CHST15: variants seen among roughly 807,000 people sequenced by gnomAD.
CHST15 encodes the protein carbohydrate sulfotransferase 15, also known as B cell RAG associated protein (GALNAC4S-6ST).
CHST15 carries 30 observed loss-of-function variants against 53.6 expected under a neutral mutation model. That is an observed-to-expected ratio of 0.56 (90% CI 0.42 to 0.76). CHST15 has a LOEUF of 0.76. Ranked by LOEUF, CHST15 falls within the 30% of genes least tolerant of loss-of-function variation. The probability of loss-of-function intolerance (pLI) is 0.00; values close to 1 mark genes in which losing one functional copy is unlikely to be tolerated. For missense variants in CHST15, 627 were observed against 740.5 expected (o/e 0.85, Z 1.78); for synonymous variants, 296 against 289.8 (o/e 1.02, Z -0.22).
At chr10:124,050,730 A>G (rs1356376724) in intron 1 of CHST15, among the ~76,000 whole-genome samples, 1 of 152,204 alleles carries the variant, frequency 6.6e-6, no homozygotes, top group Non-Finnish European at 1.5e-5. Context: ...GAAGGAAGCC[A>G]GTCACGTGGA....
At chr10:124,081,388 A>ATG (rs1187617497) in intron 1 of CHST15, among the ~76,000 whole-genome samples, 1 of 151,818 alleles carries the variant, frequency 6.6e-6, no homozygotes, top group African/African-American at 2.4e-5. Context: ...ATGCACACAC[A>ATG]CACGCGTGCA....
intron 4 of CHST15, among the ~76,000 whole-genome samples, chr10:124,041,139 A>C (rs1018685024): frequency 6.6e-6 from 1 of 152,246 alleles, no homozygotes; most frequent in Non-Finnish European, 1.5e-5. Context: ...AAAGAAAAAA[A>C]AGAGTTAAGT....
chr10:124,017,901 G>A (rs780338231), intron 6 of CHST15, among the ~76,000 whole-genome samples: 20 of 152,336 alleles, frequency 1.3e-4, no homozygotes, highest in South Asian at 2.1e-4. Flanking sequence ...CAGCCTCCTC[G>A]GCAGGCTCCA....
intron 1 of CHST15, among the ~76,000 whole-genome samples, chr10:124,082,883 G>A (rs1949294431): frequency 6.6e-6 from 1 of 152,224 alleles, no homozygotes. Context: ...GCTGGACAGA[G>A]ACAAGAAGTA....
chr10:124,067,705 C>T (rs1169699767), intron 1 of CHST15, among the ~76,000 whole-genome samples: 4 of 152,216 alleles, frequency 2.6e-5, no homozygotes, highest in Non-Finnish European at 5.9e-5. Context: ...CAACCTCCGC[C>T]TCCTGGGTTC....
intron 1 of CHST15, among the ~76,000 whole-genome samples, chr10:124,056,500 G>A (rs1043145433): frequency 2.0e-5 from 3 of 152,238 alleles, no homozygotes; most frequent in African/African-American, 4.8e-5. Context: ...CAAGGGATGG[G>A]GGAACGGAGA....
intron 5 of CHST15, among the ~76,000 whole-genome samples, chr10:124,026,892 C>A (rs923712840): frequency 3.3e-5 from 5 of 152,148 alleles, no homozygotes; most frequent in African/African-American, 1.2e-4. Flanking sequence ...CCAGTCAGGG[C>A]AGGCTAACAC....
chr10:124,008,457 C>A lies in CHST15; in HGVS notation c.*1692G>T. 1.0e-6 allele frequency: 1 copy of A among 991,576 alleles called. No individual in the cohort carries two copies. Among genetic ancestry groups the A allele is most frequent in the Non-Finnish European group, 1.2e-6 (1 of 833,518 alleles). 61.4% of individuals were successfully genotyped at this position (991,576 alleles called of 1,614,324 possible). A position where few individuals can be genotyped will look rare whatever the true frequency, so the allele number is the denominator to read the frequency against. ...CCAGATTTCCCTGCTGGCGGCTGCTCCCAGTGCCGGCTATAGAGAAGGTGG... is the reference window on the plus strand; with the variant it reads ...CCAGATTTCCCTGCTGGCGGCTGCTACCAGTGCCGGCTATAGAGAAGGTGG... On this transcript the variant is annotated 3_prime_UTR_variant, in exon 8 of 8. Coordinates refer to ENST00000435907, the MANE Select transcript of CHST15 (RefSeq NM_001270764.2).
intron 1 of CHST15, among the ~76,000 whole-genome samples, chr10:124,059,256 C>T (rs1401079920): frequency 1.5e-4 from 23 of 152,164 alleles, no homozygotes; most frequent in South Asian, 2.1e-4. Flanking sequence ...TCTTTTTGCA[C>T]GTTTTTGGGG....
At chr10:124,064,602 C>G (rs1948694700) in intron 1 of CHST15, among the ~76,000 whole-genome samples, 1 of 152,146 alleles carries the variant, frequency 6.6e-6, no homozygotes, top group Admixed American at 6.5e-5. Flanking sequence ...CTCTTCGTTG[C>G]TGGGCTGTAC....
chr10:124,080,886 T>C (rs1420111970), intron 1 of CHST15, among the ~76,000 whole-genome samples: 1 of 152,238 alleles, frequency 6.6e-6, no homozygotes, highest in Non-Finnish European at 1.5e-5. Context: ...TCCCATGGAC[T>C]AGGCCCTGGG....
chr10:124,024,810 G>A lies in CHST15; in HGVS notation c.1191-3398C>T, dbSNP rs1223476613. Among the ~76,000 whole-genome samples, 1 of 152,220 alleles carries A rather than the reference G, an allele frequency of 6.6e-6. No individual in the cohort carries two copies. Among genetic ancestry groups the A allele is most frequent in the Non-Finnish European group, 1.5e-5 (1 of 68,052 alleles). On this transcript the variant is annotated intron_variant, in intron 5 of 7. Coordinates refer to ENST00000435907, the MANE Select transcript of CHST15 (RefSeq NM_001270764.2). The surrounding 1 kb of genome is among the most constrained non-coding windows in gnomAD (Gnocchi z 4.0). ...TGTGTGCACTGAGGGGTGCCAGGTG[G>A]CAATTGGTCTGAGGGGTACCCTTCC...
intron 1 of CHST15, among the ~76,000 whole-genome samples, chr10:124,063,719 C>T (rs1459699846): frequency 6.6e-6 from 1 of 152,134 alleles, no homozygotes; most frequent in Non-Finnish European, 1.5e-5. Context: ...ATAACAAAGG[C>T]ATGTTCCCCC....
At chr10:124,043,984 A>C (rs1272917798) in intron 3 of CHST15, among the ~76,000 whole-genome samples, 1 of 151,100 alleles carries the variant, frequency 6.6e-6, no homozygotes, top group African/African-American at 2.5e-5. Context: ...AGGGAGCAGC[A>C]CAGAGCAGAG....
chr10:124,090,462 C>T (rs1838665016), intron 1 of CHST15, among the ~76,000 whole-genome samples: 1 of 152,218 alleles, frequency 6.6e-6, no homozygotes, highest in South Asian at 2.1e-4. Context: ...TCTACAGCTT[C>T]CCCTACTGCA....
chr10:124,081,488 C>T (rs112976022), intron 1 of CHST15, among the ~76,000 whole-genome samples: 202 of 152,302 alleles, frequency 1.3e-3, no homozygotes, highest in African/African-American at 4.8e-3. Context: ...TCAATAAGCT[C>T]CGTGGGGGTT....
Position 124,082,474 on chromosome 10 carries a change from T to C in CHST15, c.-513+10995A>G, listed in dbSNP as rs547603329. Among the ~76,000 whole-genome samples the C allele has an allele frequency of 2.6e-5, 4 of 152,302 alleles. No individual in the cohort carries two copies. The South Asian group carries it at 6.2e-4, about 24-fold the overall frequency. On this transcript the variant is annotated intron_variant, in intron 1 of 7. Coordinates refer to ENST00000435907, the MANE Select transcript of CHST15 (RefSeq NM_001270764.2). ...CACTGACAGGGGGATCGGGATCCCA[T>C]CTAAGAACAAAGCCTTTTCTAGGGC...
chr10:124,034,369 G>C (rs1192115057), intron 5 of CHST15, among the ~76,000 whole-genome samples: 1 of 152,118 alleles, frequency 6.6e-6, no homozygotes, highest in Non-Finnish European at 1.5e-5. Flanking sequence ...TGGGGTAAGA[G>C]AGAAGAGTTT....
Position 124,029,158 on chromosome 10 carries a change from A to G in CHST15, c.1191-7746T>C, listed in dbSNP as rs1590212293. On this transcript the variant is annotated intron_variant, in intron 5 of 7. Transcript: ENST00000435907. ...CTGTGATATGGTGCCATCAATAATG[A>G]TTATATATTTTTTTCCTACCAGGAA... Among the ~76,000 whole-genome samples, 3 of 152,310 alleles carry G rather than the reference A, an allele frequency of 2.0e-5. No homozygotes were observed. In the East Asian group the frequency reaches 5.8e-4, roughly 29 times the overall value.
Sources: gnomAD v4.1 joint callset for allele counts (sites outside exome capture counted in the v4.1 genomes callset) on GRCh38, gnomAD v4.1.1 for gene constraint, Gnocchi (gnomAD v3.1) non-coding constraint, MANE v1.5 for transcripts, NCBI Gene and HGNC (gene_info 2026-07-23, HGNC 2026-07-21) for gene names.